The following IMPG1 variants were observed in gnomAD, a reference collection of about 807,000 sequenced individuals.
IMPG1 encodes the protein interphotoreceptor matrix proteoglycan of 150 kDa.
IMPG1 carries 85 observed loss-of-function variants against 92.0 expected under a neutral mutation model. The ratio of observed to expected loss-of-function variants is 0.92; its 90% CI spans 0.78 to 1.11. IMPG1 has a LOEUF of 1.11. IMPG1 is among the 50% of genes least tolerant of loss of function. The pLI, the probability that IMPG1 is intolerant of heterozygous loss-of-function variation, is 0.00. For synonymous variants in IMPG1, 367 were observed against 334.1 expected (o/e 1.10, Z -1.08); for missense variants, 1,022 against 956.0 (o/e 1.07, Z -0.91).
intron 9 of IMPG1, among the ~76,000 whole-genome samples, chr6:76,006,037 C>T (rs976782028): frequency 7.1e-4 from 108 of 151,914 alleles, no homozygotes; most frequent in African/African-American, 2.5e-3. Flanking sequence ...GCTGTGTTGC[C>T]CAGACTGGTT....
intron 10 of IMPG1, 61 bp downstream of exon 10, chr6:76,005,226 T>A (rs1783072561): frequency 6.5e-7 from 1 of 1,541,702 alleles, no homozygotes; most frequent in African/African-American, 1.4e-5. Context: ...CATGAGACAT[T>A]CACATTCTTA....
chr6:76,067,189 A>G (rs569315968), intron 1 of IMPG1, among the ~76,000 whole-genome samples: 1 of 152,132 alleles, frequency 6.6e-6, no homozygotes, highest in South Asian at 2.1e-4. Context: ...ACAAACATCA[A>G]AGGAGAACTA....
chr6:76,035,741 T>C (rs1428911848), intron 2 of IMPG1, among the ~76,000 whole-genome samples: 1 of 152,180 alleles, frequency 6.6e-6, no homozygotes, highest in African/African-American at 2.4e-5. Flanking sequence ...AGTACTTCCC[T>C]TTTGATCACA....
intron 7 of IMPG1, among the ~76,000 whole-genome samples, chr6:76,014,777 G>A (rs1317730498): frequency 6.6e-6 from 1 of 152,180 alleles, no homozygotes; most frequent in Non-Finnish European, 1.5e-5. Flanking sequence ...AGCACTGCGG[G>A]GGAGAGCCCT....
chr6:76,010,009 G>A (rs999674105), intron 8 of IMPG1, among the ~76,000 whole-genome samples: 5 of 152,118 alleles, frequency 3.3e-5, no homozygotes, highest in African/African-American at 1.2e-4. Context: ...AAATACTACC[G>A]AGCAGCATCT....
chr6:76,039,764 A>G (rs997963229), intron 2 of IMPG1, among the ~76,000 whole-genome samples: 4 of 152,206 alleles, frequency 2.6e-5, no homozygotes, highest in African/African-American at 9.6e-5. Context: ...ATAGCAGGAA[A>G]TTTGGCTGGG....
intron 12 of IMPG1, among the ~76,000 whole-genome samples, chr6:75,973,916 T>C: frequency 6.6e-6 from 1 of 152,240 alleles, no homozygotes; most frequent in Admixed American, 6.5e-5. Context: ...AGATCTGCCA[T>C]GTCTGCTTTA....
At chr6:76,054,474 T>A (rs76215906) in intron 1 of IMPG1, among the ~76,000 whole-genome samples, 3,946 of 152,266 alleles carry the variant, frequency 0.026, 143 homozygotes, top group African/African-American at 0.087. Context: ...AGACTACATT[T>A]AAAAAGGTTC....
intron 12 of IMPG1, among the ~76,000 whole-genome samples, chr6:76,002,606 G>A (rs2149476715): frequency 6.6e-6 from 1 of 152,296 alleles, no homozygotes; most frequent in East Asian, 1.9e-4. Flanking sequence ...CAAGCCCAGA[G>A]GAGATTGTTG....
chr6:76,002,695 G>T (rs1015671955), intron 12 of IMPG1, among the ~76,000 whole-genome samples: 2 of 152,190 alleles, frequency 1.3e-5, no homozygotes, highest in African/African-American at 4.8e-5. Context: ...TGCCGGTGCT[G>T]GCTGTAGGAC....
rs918259411 is a variant in IMPG1, at chr6:76,071,777, T to G, written c.67+645A>C. On this transcript the variant is annotated intron_variant, in intron 1 of 16. Transcript: ENST00000369950. The stretch of plus-strand genomic sequence containing the variant: ...AAAGTCAAACTTTCTCCAACATGTG[T>G]GTTTCTTTTTTAAAACACACATTAT... Among the ~76,000 whole-genome samples, 4 of 152,126 alleles carry G rather than the reference T, an allele frequency of 2.6e-5. No homozygotes were observed. The South Asian group carries it at 8.3e-4, about 31-fold the overall frequency.
intron 4 of IMPG1, among the ~76,000 whole-genome samples, chr6:76,025,869 G>A (rs1434744771): frequency 1.3e-5 from 2 of 152,170 alleles, no homozygotes; most frequent in African/African-American, 2.4e-5. Context: ...CAGATCCAAG[G>A]TCATGGTGGT....
chr6:75,977,532 A>G (rs1782558571), intron 12 of IMPG1, among the ~76,000 whole-genome samples: 1 of 151,546 alleles, frequency 6.6e-6, no homozygotes, highest in Non-Finnish European at 1.5e-5. Context: ...AGTTGTGGTG[A>G]GCCAAGATTG....
chr6:76,005,583 C>T, intron 9 of IMPG1, 49 bp from the exon 10 acceptor site: 2 of 1,584,414 alleles, frequency 1.3e-6, no homozygotes, highest in South Asian at 1.2e-5. Context: ...TTGTTACATG[C>T]CTTGCAAAGA....
intron 6 of IMPG1, 115 bp downstream of exon 6, chr6:76,022,000 AC>A (rs1177518025): frequency 1.8e-6 from 1 of 554,970 alleles, no homozygotes; most frequent in Non-Finnish European, 3.4e-6. Flanking sequence ...AACCAGAGTC[AC>A]AAAAATACAG....
chr6:75,975,290 G>A (rs551692626), intron 12 of IMPG1, among the ~76,000 whole-genome samples: 18 of 152,274 alleles, frequency 1.2e-4, no homozygotes, highest in African/African-American at 4.3e-4. Context: ...TATGGGGTCC[G>A]GTCATGTCCC....
chr6:76,065,876 A>G (rs992849400), intron 1 of IMPG1, among the ~76,000 whole-genome samples: 1 of 152,172 alleles, frequency 6.6e-6, no homozygotes, highest in Non-Finnish European at 1.5e-5. Flanking sequence ...TTAGCAGCAG[A>G]CTTCTCAGCA....
intron 14 of IMPG1, among the ~76,000 whole-genome samples, chr6:75,943,028 A>G (rs1456492861): frequency 1.3e-5 from 2 of 152,190 alleles, no homozygotes; most frequent in Non-Finnish European, 2.9e-5. Context: ...ACTCTATTCA[A>G]AAGCAATGGT....
chr6:76,027,683 T>C (rs1582115056), intron 4 of IMPG1, among the ~76,000 whole-genome samples: 1 of 152,360 alleles, frequency 6.6e-6, no homozygotes, highest in East Asian at 1.9e-4. Context: ...AAAGGTATTA[T>C]ATGGTTTTTT....
Sources: allele counts gnomAD v4.1 joint callset (sites outside exome capture counted in the v4.1 genomes callset), GRCh38; gene constraint gnomAD v4.1.1; transcripts MANE v1.5; gene names NCBI Gene and HGNC (gene_info 2026-07-23, HGNC 2026-07-21).